SLC25A43: variants seen among roughly 807,000 people sequenced by gnomAD.
SLC25A43 encodes the protein solute carrier family 25, member 43.
SLC25A43 carries 10 observed loss-of-function variants against 22.8 expected under a neutral mutation model. That is an observed-to-expected ratio of 0.44 (90% confidence interval 0.27 to 0.74). The LOEUF (loss-of-function observed/expected upper bound fraction) is 0.74. SLC25A43 is among the 30% of genes least tolerant of loss of function. The pLI is 0.17. For synonymous variants in SLC25A43, 106 were observed against 121.6 expected, an observed-to-expected ratio of 0.87 and a Z score of 0.84; for missense variants, 233 against 279.1, an observed-to-expected ratio of 0.83 and a Z score of 1.18.
Position 119,406,507 on chromosome X carries a change from G to A in SLC25A43, c.323G>A (p.Ser108Asn), listed in dbSNP as rs945242249. The A allele has an allele frequency of 1.9e-5, 23 of 1,211,342 alleles. No homozygotes were observed. The highest frequency in any genetic ancestry group is 2.6e-5 in the Non-Finnish European group (23 of 895,209). Residue 108 changes from serine to asparagine, a missense_variant, in exon 2 of 5, where the codon AGC becomes AAC. Ser to Asn is a conservative substitution (Grantham distance 46, BLOSUM62 1). Transcript: ENST00000217909. ...GACCTGGGCCACATTTCCCAGTGGAGCTCCATCATGGCTGGGAGTCTCGCA... is the reference window on the plus strand; with the variant it reads ...GACCTGGGCCACATTTCCCAGTGGAACTCCATCATGGCTGGGAGTCTCGCA... Reference protein sequence around the residue: ...TDDLGHISQWSSIMAGSLAGM... With the variant: ...TDDLGHISQWNSIMAGSLAGM...
chrX:119,425,674 A>C (rs1452827286), intron 3 of SLC25A43, among the ~76,000 whole-genome samples: 2 of 109,490 alleles, frequency 1.8e-5, no homozygotes, highest in African/African-American at 6.7e-5. Context: ...AGATGTCTGG[A>C]CATCCCTTAG....
At chrX:119,409,767 C>T (rs1319972216) in intron 2 of SLC25A43, among the ~76,000 whole-genome samples, 3 of 110,109 alleles carry the variant, frequency 2.7e-5, no homozygotes, top group South Asian at 3.9e-4. Context: ...AGGTGCCCAA[C>T]GCCACACCCA....
At position 119,399,630 on chromosome X, in the gene SLC25A43, G is replaced by A; in HGVS notation, c.227G>A (p.Cys76Tyr). 2 of 1,019,321 alleles carry A rather than the reference G, an allele frequency of 2.0e-6. No homozygotes were observed. The highest frequency in any genetic ancestry group is 2.0e-5 in the African/African-American group (1 of 50,621). The allele number at this position is 1,019,321 out of a possible 1,213,427, so 84.0% of individuals were successfully genotyped here. The change falls in exon 1 of 5, where the codon TGC becomes TAC. Residue 76 changes from cysteine to tyrosine, a missense_variant. Physicochemically the swap from Cys to Tyr is radical, Grantham distance 194. Coordinates refer to ENST00000217909, the MANE Select transcript of SLC25A43 (RefSeq NM_145305.3). Reference sequence around the variant, plus strand: ...CTGTGGAAGGGGAACGCGGTGGCGTGCCTGCGCCTCTTCCCCTGCAGCGCC... The same window carrying A: ...CTGTGGAAGGGGAACGCGGTGGCGTACCTGCGCCTCTTCCCCTGCAGCGCC... ...RALWKGNAVA[C>Y]LRLFPCSAVQ... is the part of the protein sequence containing the mutation.
At chrX:119,418,543 C>T in intron 3 of SLC25A43, among the ~76,000 whole-genome samples, 1 of 112,082 alleles carries the variant, frequency 8.9e-6, no homozygotes, top group Admixed American at 9.5e-5. Flanking sequence ...ACACACACAG[C>T]CCATTTAATG....
rs746263703 is a variant in SLC25A43 at position 119,452,979 on chromosome X, G to C, written c.940G>C (p.Asp314His). 1 of 1,211,324 alleles carries C rather than the reference G, an allele frequency of 8.3e-7. No homozygotes were observed. Among genetic ancestry groups the C allele is most frequent in the South Asian group, 1.8e-5 (1 of 56,978 alleles). The change falls in exon 5 of 5, where the codon GAT becomes CAT. Residue 314 changes from aspartate to histidine, a missense_variant. Asp to His is a moderately conservative substitution (Grantham distance 81, BLOSUM62 -1). Transcript: ENST00000217909. ...PLSYKLTPGV[D>H]QSLQPQELRE... ...GAGCTATAAATTGACCCCAGGAGTC[G>C]ATCAGAGTTTGCAGCCCCAGGAATT...
chrX:119,442,153 C>T (rs1218102838), intron 3 of SLC25A43, among the ~76,000 whole-genome samples: 1 of 112,177 alleles, frequency 8.9e-6, no homozygotes, highest in Non-Finnish European at 1.9e-5. Context: ...AAGGCAAGAT[C>T]GCTAAGGAAA....
At chrX:119,416,216 C>CT (rs199779729) in intron 3 of SLC25A43, among the ~76,000 whole-genome samples, 5,765 of 102,131 alleles carry the variant, frequency 0.056, 164 homozygotes, top group South Asian at 0.1. Flanking sequence ...AGAAAAATGC[C>CT]TTTTTTTTTT....
At position 119,410,296 on chromosome X, in the gene SLC25A43, C is replaced by CT. The variant is rs780264910; in HGVS notation, c.625dup (p.Cys209LeufsTer15). On this transcript the variant is annotated frameshift_variant, in exon 3 of 5. Transcript: ENST00000217909. LOFTEE classifies it high-confidence loss of function. ...CTCTCCCACAGAACTTTGCTAATGT[C>CT]TGTCTGGCTGCTGCAGTGACCCAGA... 8.3e-7 allele frequency: 1 copy of CT among 1,211,247 alleles called. No individual in the cohort carries two copies.
At position 119,399,549 on chromosome X, in the gene SLC25A43, C is replaced by T; in HGVS notation, c.146C>T (p.Ala49Val). The change falls in exon 1 of 5, where the codon GCC becomes GTC. Residue 49 changes from alanine to valine, a missense_variant. Transcript: ENST00000217909. ...LAQVGVVRGH[A>V]RGPWATGHRV... ...CAGGTTGGCGTCGTGCGAGGCCACGCCCGGGGACCGTGGGCCACAGGGCAC... is the reference window on the plus strand; with the variant it reads ...CAGGTTGGCGTCGTGCGAGGCCACGTCCGGGGACCGTGGGCCACAGGGCAC... 1 of 1,066,724 alleles carries T rather than the reference C, an allele frequency of 9.4e-7. No individual in the cohort carries two copies. The highest frequency in any genetic ancestry group is 1.2e-6 in the Non-Finnish European group (1 of 827,036). The allele number at this position is 1,066,724 out of a possible 1,213,427, so 87.9% of individuals were successfully genotyped here. A position where few individuals can be genotyped will look rare whatever the true frequency, so the allele number is the denominator to read the frequency against.
chrX:119,416,595 C>T (rs959278491), intron 3 of SLC25A43, among the ~76,000 whole-genome samples: 14 of 112,441 alleles, frequency 1.2e-4, no homozygotes, highest in African/African-American at 3.5e-4. Flanking sequence ...TGATTATTTT[C>T]GGGCATTTGT....
At chrX:119,404,175 T>G (rs1193424158) in intron 1 of SLC25A43, among the ~76,000 whole-genome samples, 2 of 109,878 alleles carry the variant, frequency 1.8e-5, no homozygotes, top group Admixed American at 2.0e-4. Context: ...TTTTTGTAAT[T>G]TTTTTACTAA....
At chrX:119,399,801 A>G in intron 1 of SLC25A43, 123 bp downstream of exon 1, 1 of 793,762 alleles carries the variant, frequency 1.3e-6, no homozygotes, top group East Asian at 4.3e-5. Context: ...CCCCTTGTCG[A>G]TCACCTGGGG....
intron 3 of SLC25A43, among the ~76,000 whole-genome samples, chrX:119,442,094 A>C (rs2052627618): frequency 1.4e-5 from 1 of 72,099 alleles, no homozygotes; most frequent in Non-Finnish European, 2.8e-5. Flanking sequence ...CATCTCAAAA[A>C]ATAATAATAA....
chrX:119,441,432 C>T (rs1198841812), intron 3 of SLC25A43, among the ~76,000 whole-genome samples: 1 of 106,757 alleles, frequency 9.4e-6, no homozygotes, highest in African/African-American at 3.4e-5. Context: ...CCGTCTTCTG[C>T]GTCGCTCACG....
At chrX:119,410,085 A>C in intron 2 of SLC25A43, 105 bp from the exon 3 acceptor site, 1 of 922,725 alleles carries the variant, frequency 1.1e-6, no homozygotes, top group Non-Finnish European at 1.5e-6. Flanking sequence ...TAGCAACCCC[A>C]GAGCCCCTCC....
At position 119,431,166 on chromosome X, in the gene SLC25A43, C is replaced by T. The variant is rs190418828; in HGVS notation, c.690+20804C>T. ...TGTCATCCATATAATCAAGCTAATA[C>T]GATAATACTACCTCTTTCATGAGGC... On this transcript the variant is annotated intron_variant, in intron 3 of 4. Transcript: ENST00000217909. Among the ~76,000 whole-genome samples the T allele has an allele frequency of 6.5e-3, 723 of 111,901 alleles. 8 individuals are homozygous for T. Among genetic ancestry groups the T allele is most frequent in the African/African-American group, 0.022 (672 of 30,813 alleles).
intron 3 of SLC25A43, among the ~76,000 whole-genome samples, chrX:119,418,266 A>G (rs1367057168): frequency 1.8e-5 from 2 of 111,740 alleles, no homozygotes; most frequent in African/African-American, 6.5e-5. Context: ...GGCTTTAATA[A>G]CAGTCTGTCC....
chrX:119,442,140 G>A (rs1403528095), intron 3 of SLC25A43, among the ~76,000 whole-genome samples: 1 of 112,171 alleles, frequency 8.9e-6, no homozygotes, highest in Non-Finnish European at 1.9e-5. Context: ...CTCCCAGTGG[G>A]AGAAGGCAAG....
At chrX:119,413,846 T>A (rs2052374047) in intron 3 of SLC25A43, among the ~76,000 whole-genome samples, 1 of 112,265 alleles carries the variant, frequency 8.9e-6, no homozygotes, top group Non-Finnish European at 1.9e-5. Context: ...CTCCTTTTTT[T>A]AATATTTAGG....
Sources: gnomAD v4.1 joint callset for allele counts (sites outside exome capture counted in the v4.1 genomes callset) on GRCh38, gnomAD v4.1.1 for gene constraint, MANE v1.5 for transcripts, NCBI Gene and HGNC (gene_info 2026-07-23, HGNC 2026-07-21) for gene names.